NMU: variants seen among roughly 807,000 people sequenced by gnomAD.
NMU encodes neuromedin U.
In NMU, 29 loss-of-function variants were observed where a neutral mutation model predicts 35.4. The ratio of observed to expected loss-of-function variants is 0.82; its 90% CI spans 0.61 to 1.12. NMU has a LOEUF of 1.12. Among genes scored for constraint, NMU ranks in the 50% most tolerant of loss-of-function variants. NMU has a pLI of 0.00. For missense variants in NMU, 199 were observed against 206.2 expected, an observed-to-expected ratio of 0.97 and a Z score of 0.21; for synonymous variants, 78 against 81.3, an observed-to-expected ratio of 0.96 and a Z score of 0.22.
chr4:55,603,821 C>A (rs1457842507), intron 7 of NMU, among the ~76,000 whole-genome samples: 5 of 145,370 alleles, frequency 3.4e-5, no homozygotes, highest in Non-Finnish European at 6.0e-5. Context: ...CTGAGGCAGG[C>A]GAATGGTGTG....
chr4:55,629,674 T>A (rs1734681311), intron 2 of NMU, among the ~76,000 whole-genome samples: 1 of 150,502 alleles, frequency 6.6e-6, no homozygotes, highest in Non-Finnish European at 1.5e-5. Flanking sequence ...CATTTCAGCC[T>A]CCCAAGTAGT....
chr4:55,604,679 A>ATATTTTTTTTTTTTTTTTTT (rs1553909885), intron 7 of NMU, among the ~76,000 whole-genome samples: 7 of 47,612 alleles, frequency 1.5e-4, no homozygotes, highest in African/African-American at 8.2e-4. Context: ...TGCCTGGCTA[A>ATATTTTTTTTTTTTTTTTTT]TTTTTTTTTT....
chr4:55,630,680 T>C (rs1734719157), intron 1 of NMU, among the ~76,000 whole-genome samples: 1 of 152,076 alleles, frequency 6.6e-6, no homozygotes, highest in Non-Finnish European at 1.5e-5. Flanking sequence ...GAATTACTTA[T>C]GTCTACAGAC....
intron 1 of NMU, among the ~76,000 whole-genome samples, chr4:55,635,315 T>C (rs1457853270): frequency 6.6e-6 from 1 of 152,204 alleles, no homozygotes; most frequent in Non-Finnish European, 1.5e-5. Flanking sequence ...GCTTCAGATC[T>C]CCTTCCCTGA....
chr4:55,604,029 T>TATACACGTGTATATATACGTATATATACA (rs1577937041), intron 7 of NMU, among the ~76,000 whole-genome samples: 1 of 1,992 alleles, frequency 5.0e-4, no homozygotes, highest in African/African-American at 1.0e-3. Context: ...ATATATATAA[T>TATACACGTGTATATATACGTATATATACA]CCTAGAAATT....
chr4:55,627,349 T>G (rs1239811353), intron 2 of NMU, among the ~76,000 whole-genome samples: 1 of 152,038 alleles, frequency 6.6e-6, no homozygotes, highest in Non-Finnish European at 1.5e-5. Flanking sequence ...TTTCAGCTAA[T>G]TGTAGACCTT....
chr4:55,609,779 C>A (rs112520701), intron 3 of NMU, among the ~76,000 whole-genome samples: 4 of 152,252 alleles, frequency 2.6e-5, no homozygotes, highest in African/African-American at 9.6e-5. Flanking sequence ...TAGCAGCCAG[C>A]TGGGTGTGGT....
chr4:55,633,395 T>A (rs1715725810), intron 1 of NMU, among the ~76,000 whole-genome samples: 1 of 150,288 alleles, frequency 6.7e-6, no homozygotes, highest in Admixed American at 6.6e-5. Flanking sequence ...TAAGGAGGAG[T>A]TATTCTTTTT....
In NMU at chr4:55,605,347, C is replaced by T. The variant is rs150119398; in HGVS notation, c.363G>A (p.Ser121=). The T allele has an allele frequency of 6.3e-4, 1,009 of 1,611,306 alleles. 6 individuals carry two copies. In the African/African-American group the frequency reaches 0.011, roughly 18 times the overall value. The part of the protein sequence containing the change: ...TQKLGKSNVV[S]SVVHPLLQLV... ...GCTGCAGCAACGGATGCACAACTGACGACTGAGAGGACATGAACACACACG... is the reference window on the plus strand; with the variant it reads ...GCTGCAGCAACGGATGCACAACTGATGACTGAGAGGACATGAACACACACG... The change falls in exon 7 of 10, where the codon TCG becomes TCA. Residue 121 remains serine, a splice_region_variant and synonymous_variant. Transcript: ENST00000264218.
At chr4:55,631,812 G>A (rs920628650) in intron 1 of NMU, among the ~76,000 whole-genome samples, 1 of 152,074 alleles carries the variant, frequency 6.6e-6, no homozygotes, top group Admixed American at 6.5e-5. Context: ...CCCATTACTG[G>A]GTATCCATCC....
intron 9 of NMU, among the ~76,000 whole-genome samples, chr4:55,598,089 G>GTTTTTTTTT (rs10588154): frequency 4.7e-5 from 4 of 85,394 alleles, no homozygotes; most frequent in Admixed American, 1.5e-4. Flanking sequence ...TTTGGTTGTG[G>GTTTTTTTTT]TTTTTTTTTT....
At chr4:55,626,610 G>A (rs533546164) in intron 2 of NMU, among the ~76,000 whole-genome samples, 1 of 152,288 alleles carries the variant, frequency 6.6e-6, no homozygotes, top group South Asian at 2.1e-4. Flanking sequence ...AGGAGGCTGA[G>A]ACACGAGAAT....
chr4:55,595,611 A>ATGTG, intron 9 of NMU, among the ~76,000 whole-genome samples, 200 bp from the exon 10 acceptor site: 2 of 116,614 alleles, frequency 1.7e-5, no homozygotes, highest in African/African-American at 3.1e-5. Flanking sequence ...AAATATATAT[A>ATGTG]TGTGTGTGTG....
In NMU at chr4:55,609,139, C is replaced by T. The variant is rs781431057; in HGVS notation, c.260G>A (p.Gly87Glu). ...ALEELCFMIMGMLPKPQEQDE... is the reference protein window; with the variant it reads ...ALEELCFMIMEMLPKPQEQDE... ...GCTTACCTGAGGCTTTGGTAGCATT[C>T]CCATAATCATAAAGCAAAGCTCCTC... Residue 87 changes from glycine to glutamate, a missense_variant, in exon 4 of 10, where the codon GGA becomes GAA. Transcript: ENST00000264218. 17 of 1,613,290 alleles carry T rather than the reference C, an allele frequency of 1.1e-5. No individual in the cohort carries two copies. The highest frequency in any genetic ancestry group is 1.4e-5 in the Non-Finnish European group (16 of 1,179,390).
chr4:55,603,665 C>T (rs183162998), intron 7 of NMU, among the ~76,000 whole-genome samples: 2 of 151,766 alleles, frequency 1.3e-5, no homozygotes, highest in African/African-American at 4.8e-5. Flanking sequence ...GTAATACCAG[C>T]ACTTTGGGAA....
chr4:55,597,078 T>C (rs866873554), intron 9 of NMU, among the ~76,000 whole-genome samples: 2 of 152,138 alleles, frequency 1.3e-5, no homozygotes, highest in Non-Finnish European at 2.9e-5. Context: ...GAACAAATCT[T>C]AGTGGGGTCA....
chr4:55,601,134 A>G (rs1419806837), intron 7 of NMU, among the ~76,000 whole-genome samples: 3 of 152,126 alleles, frequency 2.0e-5, no homozygotes, highest in African/African-American at 7.2e-5. Flanking sequence ...GTTAATTTTT[A>G]AATATCCAAA....
chr4:55,608,037 G>A (rs1015109708), intron 4 of NMU, among the ~76,000 whole-genome samples: 3 of 152,040 alleles, frequency 2.0e-5, no homozygotes, highest in Admixed American at 6.6e-5. Context: ...GCCAGGCCTG[G>A]TGGGGCGAGC....
intron 1 of NMU, among the ~76,000 whole-genome samples, chr4:55,633,823 GAC>G (rs1339044019): frequency 1.3e-5 from 2 of 152,366 alleles, no homozygotes; most frequent in Non-Finnish European, 2.9e-5. Context: ...GGCAGGAAAA[GAC>G]ACTCCTTAAC....
Sources: allele counts gnomAD v4.1 joint callset (sites outside exome capture counted in the v4.1 genomes callset), GRCh38; gene constraint gnomAD v4.1.1; transcripts MANE v1.5; gene names NCBI Gene and HGNC (gene_info 2026-07-23, HGNC 2026-07-21).